Variants in ZMAT4 observed in about 807,000 individuals in gnomAD.
The protein encoded by ZMAT4 is zinc finger matrin-type protein 4.
Under a neutral mutation model 28.7 loss-of-function variants are expected in ZMAT4, and 17 were observed. The ratio of observed to expected loss-of-function variants is 0.59; its 90% confidence interval spans 0.41 to 0.89. ZMAT4 has a LOEUF of 0.89. ZMAT4 is among the 40% of genes least tolerant of loss of function. The pLI, the probability that ZMAT4 is intolerant of heterozygous loss-of-function variation, is 0.00. For synonymous variants in ZMAT4, 117 were observed against 109.2 expected (o/e 1.07, Z -0.44); for missense variants, 240 against 283.8 (o/e 0.85, Z 1.11).
chr8:40,610,293 A>G (rs2342792), intron 5 of ZMAT4, among the ~76,000 whole-genome samples: 31,368 of 152,196 alleles, frequency 0.21, 3,360 homozygotes, highest in Middle Eastern at 0.26. Flanking sequence ...TGTATGCACA[A>G]AGAACACCTG....
At chr8:40,754,702 T>C (rs1171373750) in intron 3 of ZMAT4, among the ~76,000 whole-genome samples, 1 of 152,158 alleles carries the variant, frequency 6.6e-6, no homozygotes, top group East Asian at 1.9e-4. Context: ...TTACCATAAT[T>C]TGGCTTGGAG....
At chr8:40,643,379 C>A (rs567597587) in intron 5 of ZMAT4, among the ~76,000 whole-genome samples, 2 of 152,158 alleles carry the variant, frequency 1.3e-5, no homozygotes, top group African/African-American at 2.4e-5. Context: ...ACATATTTGA[C>A]ACTTGGAAAA....
At chr8:40,661,983 T>G (rs1380780673) in intron 5 of ZMAT4, among the ~76,000 whole-genome samples, 3 of 152,028 alleles carry the variant, frequency 2.0e-5, no homozygotes, top group Non-Finnish European at 4.4e-5. Flanking sequence ...TTTTTGTTTG[T>G]TTGTTTGTTT....
intron 6 of ZMAT4, among the ~76,000 whole-genome samples, chr8:40,551,026 ATTGT>A (rs1803354316): frequency 6.6e-6 from 1 of 152,142 alleles, no homozygotes; most frequent in Non-Finnish European, 1.5e-5. Context: ...CTGAAATGCC[ATTGT>A]ATCTATTATG....
chr8:40,616,551 C>A (rs1284676863), intron 5 of ZMAT4, among the ~76,000 whole-genome samples: 5 of 152,080 alleles, frequency 3.3e-5, no homozygotes, highest in African/African-American at 1.2e-4. Context: ...GAATACTATG[C>A]AGCCATAAAA....
intron 1 of ZMAT4, among the ~76,000 whole-genome samples, chr8:40,852,390 A>G (rs1473887049): frequency 6.6e-6 from 1 of 152,122 alleles, no homozygotes; most frequent in African/African-American, 2.4e-5. Flanking sequence ...TGGTTTTTAC[A>G]TTTTTGCAAA....
intron 6 of ZMAT4, among the ~76,000 whole-genome samples, chr8:40,542,248 AG>A (rs1803059365): frequency 6.6e-6 from 1 of 152,088 alleles, no homozygotes. Flanking sequence ...GAAGTTGGGA[AG>A]CTGATGGAGA....
intron 2 of ZMAT4, among the ~76,000 whole-genome samples, chr8:40,799,172 T>TAG (rs113084676): frequency 1.4e-4 from 20 of 148,054 alleles, no homozygotes; most frequent in African/African-American, 1.5e-4. Context: ...GATGGATGAA[T>TAG]AGAGAGAGAG....
At chr8:40,544,764 T>A (rs778818566) in intron 6 of ZMAT4, among the ~76,000 whole-genome samples, 19 of 152,036 alleles carry the variant, frequency 1.2e-4, no homozygotes, top group Non-Finnish European at 2.4e-4. Flanking sequence ...AAGTAGCAAG[T>A]CAAGTAAACT....
At chr8:40,540,452 T>A (rs967906833) in intron 6 of ZMAT4, among the ~76,000 whole-genome samples, 2 of 152,196 alleles carry the variant, frequency 1.3e-5, no homozygotes, top group African/African-American at 4.8e-5. Flanking sequence ...CAACCCTGAT[T>A]TCACAAGAAG....
At chr8:40,717,600 G>T (rs1810911282) in intron 3 of ZMAT4, among the ~76,000 whole-genome samples, 1 of 152,158 alleles carries the variant, frequency 6.6e-6, no homozygotes, top group South Asian at 2.1e-4. Flanking sequence ...GTTCAAGGCT[G>T]CTGTGAGCTG....
intron 2 of ZMAT4, among the ~76,000 whole-genome samples, chr8:40,813,031 A>C (rs1815391134): frequency 6.6e-6 from 1 of 151,492 alleles, no homozygotes; most frequent in African/African-American, 2.4e-5. Context: ...ATAATGTATT[A>C]ATACTGGTTC....
intron 6 of ZMAT4, among the ~76,000 whole-genome samples, chr8:40,569,002 C>T (rs1276526413): frequency 6.6e-6 from 1 of 152,202 alleles, no homozygotes; most frequent in Non-Finnish European, 1.5e-5. Flanking sequence ...TCTATAATCA[C>T]TTTGCATTGC....
intron 1 of ZMAT4, among the ~76,000 whole-genome samples, chr8:40,828,408 C>A (rs1035118346): frequency 1.2e-4 from 18 of 152,078 alleles, no homozygotes. Flanking sequence ...ACACTCCTTC[C>A]TCATTATACA....
At chr8:40,670,467 A>G (rs965805472) in intron 5 of ZMAT4, among the ~76,000 whole-genome samples, 2 of 152,176 alleles carry the variant, frequency 1.3e-5, no homozygotes, top group African/African-American at 4.8e-5. Context: ...ATCTTGGTAC[A>G]GGCAAAGATT....
intron 3 of ZMAT4, among the ~76,000 whole-genome samples, chr8:40,766,281 A>T (rs1813156566): frequency 6.6e-6 from 1 of 152,334 alleles, no homozygotes; most frequent in East Asian, 1.9e-4. Flanking sequence ...CCCATACTAC[A>T]TTATGAATTT....
Position 40,532,037 on chromosome 8 carries a change from A to C in ZMAT4, c.*186T>G, listed in dbSNP as rs1802707264. ...TATCATAACTTACCCCAAAATTAAA[A>C]AAAGGAAAAAGAAAAAAGAAACCTC... On this transcript the variant is annotated 3_prime_UTR_variant, in exon 7 of 7. Coordinates refer to ENST00000297737, the MANE Select transcript of ZMAT4 (RefSeq NM_024645.3). The C allele has an allele frequency of 2.2e-6, 1 of 451,220 alleles. No individual in the cohort carries two copies. Among genetic ancestry groups the C allele is most frequent in the Non-Finnish European group, 3.7e-6 (1 of 270,354 alleles). The allele number at this position is 451,220 out of a possible 1,614,324, so 28.0% of individuals were successfully genotyped here.
rs539214473 is a variant in ZMAT4, at chr8:40,732,738, G to A, written c.192+34903C>T. 3.9e-5 allele frequency among the ~76,000 whole-genome samples: 6 copies of A among 152,026 alleles called. No homozygotes were observed. The East Asian group carries it at 1.2e-3, about 29-fold the overall frequency. ...TCATCTCTTCCCAAAAAGGCCCTGA[G>A]GCCTGGATGCCCCAGTGGCCTCAAC... On this transcript the variant is annotated intron_variant, in intron 3 of 6. Coordinates refer to ENST00000297737, the MANE Select transcript of ZMAT4 (RefSeq NM_024645.3).
chr8:40,722,230 A>G (rs1173303505), intron 3 of ZMAT4, among the ~76,000 whole-genome samples: 1 of 152,158 alleles, frequency 6.6e-6, no homozygotes, highest in African/African-American at 2.4e-5. Context: ...CATCAGAGTG[A>G]ACAGGCAACC....
Sources: allele counts gnomAD v4.1 joint callset (sites outside exome capture counted in the v4.1 genomes callset), GRCh38; gene constraint gnomAD v4.1.1; transcripts MANE v1.5; gene names NCBI Gene and HGNC (gene_info 2026-07-23, HGNC 2026-07-21).